Variants in DIDO1 observed in about 807,000 individuals in gnomAD.
DIDO1 encodes death inducer-obliterator 1.
Under a neutral mutation model 99.4 loss-of-function variants are expected in DIDO1, and 16 were observed. That is an observed-to-expected ratio of 0.16 (90% CI 0.11 to 0.24). The LOEUF (loss-of-function observed/expected upper bound fraction) is 0.24. Ranked by LOEUF, DIDO1 falls within the 10% of genes least tolerant of loss-of-function variation. The pLI is 1.00. For synonymous variants in DIDO1, 1,366 were observed against 1,239.1 expected, an observed-to-expected ratio of 1.10 and a Z score of -2.15; for missense variants, 2,996 against 3,014.0, an observed-to-expected ratio of 0.99 and a Z score of 0.14.
rs763798952 is a variant in DIDO1 at position 62,896,130 on chromosome 20, G to A, written c.2214+103C>T. On this transcript the variant is annotated intron_variant, in intron 8 of 15. Coordinates refer to ENST00000395343, the MANE Select transcript of DIDO1 (RefSeq NM_001193369.2). This position sits in a 1 kb window ranked among gnomAD's most constrained non-coding sequence, Gnocchi z 4.4. Reference sequence around the variant, plus strand: ...TCACAGAGGAGAAAGAAACGTCTTAGCTTTCCTGGAAAGGACACGAACATC... The same window carrying A: ...TCACAGAGGAGAAAGAAACGTCTTAACTTTCCTGGAAAGGACACGAACATC... 47 of 1,248,426 alleles carry A rather than the reference G, an allele frequency of 3.8e-5. No individual in the cohort carries two copies. Among genetic ancestry groups the A allele is most frequent in the Non-Finnish European group, 5.1e-5 (46 of 900,836 alleles). The allele number at this position is 1,248,426 out of a possible 1,614,324, so 77.3% of individuals were successfully genotyped here.
chr20:62,895,967 T>C (rs970099075), intron 8 of DIDO1, among the ~76,000 whole-genome samples: 2 of 152,194 alleles, frequency 1.3e-5, no homozygotes, highest in African/African-American at 4.8e-5. Flanking sequence ...ACAGCAATGT[T>C]TACAGGAGAC....
Position 62,894,613 on chromosome 20 carries a change from C to T in DIDO1, c.2437-65G>A. On this transcript the variant is annotated intron_variant, in intron 10 of 15. Coordinates refer to ENST00000395343, the MANE Select transcript of DIDO1 (RefSeq NM_001193369.2). The surrounding 1 kb of genome is among the most constrained non-coding windows in gnomAD (Gnocchi z 4.4). Reference sequence around the variant, plus strand: ...TCCAAACTCAGCTCCAAATTAACCACACACAAGAAAAGCAGTCTCATGGGA... The same window carrying T: ...TCCAAACTCAGCTCCAAATTAACCATACACAAGAAAAGCAGTCTCATGGGA... 10 of 1,573,064 alleles carry T rather than the reference C, an allele frequency of 6.4e-6. No homozygotes were observed. Among genetic ancestry groups the T allele is most frequent in the Non-Finnish European group, 8.6e-6 (10 of 1,164,294 alleles).
chr20:62,882,915 CTTTTTTTT>C (rs10583836), intron 15 of DIDO1, among the ~76,000 whole-genome samples: 1 of 81,382 alleles, frequency 1.2e-5, no homozygotes, highest in African/African-American at 5.4e-5. Flanking sequence ...AACAAACAGC[CTTTTTTTT>C]TTTTTTTTTT....
chr20:62,916,809 A>C (rs926312095), intron 1 of DIDO1, among the ~76,000 whole-genome samples: 1 of 152,156 alleles, frequency 6.6e-6, no homozygotes, highest in African/African-American at 2.4e-5. Flanking sequence ...TACTACACCA[A>C]CTCTCGCCAA....
In DIDO1 at chr20:62,907,370, A is replaced by G. The variant is rs2064831009; in HGVS notation, c.1162-11T>C. The G allele has an allele frequency of 1.2e-6, 2 of 1,611,840 alleles. No homozygotes were observed. Among genetic ancestry groups the G allele is most frequent in the Non-Finnish European group, 8.5e-7 (1 of 1,179,212 alleles). ...AGGCGCCTCTATCACCTGCAGAACA[A>G]AACAGATGACTTCAAACAATGTACT... On this transcript the variant is annotated splice_polypyrimidine_tract_variant and intron_variant, in intron 4 of 15. Transcript: ENST00000395343.
rs2064428120 is a variant in DIDO1 at position 62,892,812 on chromosome 20, A to G, written c.3252T>C (p.Ser1084=). 3.7e-6 allele frequency: 6 copies of G among 1,613,178 alleles called. No homozygotes were observed. Among genetic ancestry groups the G allele is most frequent in the Non-Finnish European group, 5.1e-6 (6 of 1,179,354 alleles). ...YPVSGCFDYL[S]EDLPDTIHIG... is the part of the protein sequence containing the mutation. ...CACACATTTTCTTGGTTCTAACCTC[A>G]CTGAGGTAATCAAAACACCCAGAGA... is the stretch of plus-strand genomic sequence containing the variant. Residue 1084 remains serine, a synonymous_variant, in exon 13 of 16, where the codon AGT becomes AGC. Coordinates refer to ENST00000395343, the MANE Select transcript of DIDO1 (RefSeq NM_001193369.2).
rs552135472 is a variant in DIDO1 at position 62,897,551 on chromosome 20, G to A, written c.1589-555C>T. On this transcript the variant is annotated intron_variant, in intron 6 of 15. Coordinates refer to ENST00000395343, the MANE Select transcript of DIDO1 (RefSeq NM_001193369.2). ...AAGCTGGCATACACCTGAACCACAG[G>A]AAGAGCAGCCACACCTTTACGTGAA... 9.2e-5 allele frequency among the ~76,000 whole-genome samples: 14 copies of A among 152,306 alleles called. 1 individual carries two copies. The South Asian group carries it at 2.9e-3, about 32-fold the overall frequency.
At position 62,880,157 on chromosome 20, in the gene DIDO1, C is replaced by A. The variant is rs1164928431; in HGVS notation, c.5799G>T (p.Gln1933His). The A allele has an allele frequency of 6.2e-7, 1 of 1,612,538 alleles. No individual in the cohort carries two copies. Among genetic ancestry groups the A allele is most frequent in the East Asian group, 2.2e-5 (1 of 44,860 alleles). ...FVGPRGPHPS[Q>H]FETARGPHPN... Reference sequence around the variant, plus strand: ...GATGAGGGCCCCGGGCAGTTTCAAACTGACTAGGATGGGGCCCTCTTGGGC... The same window carrying A: ...GATGAGGGCCCCGGGCAGTTTCAAAATGACTAGGATGGGGCCCTCTTGGGC... Residue 1933 changes from glutamine (Q) to histidine (H), a missense_variant, in exon 16 of 16, where the codon CAG becomes CAT. Physicochemically the swap from Gln to His is conservative, Grantham distance 24. This residue lies in a region of DIDO1 where 1,562 missense variants were observed against 1,412.6 expected (regional missense o/e 1.11). Transcript: ENST00000395343.
chr20:62,895,202 T>C, intron 8 of DIDO1, 37 bp from the exon 9 acceptor site: 3 of 1,548,418 alleles, frequency 1.9e-6, no homozygotes, highest in Non-Finnish European at 2.7e-6. Flanking sequence ...CAAATAATAT[T>C]CCTATATCTG....
intron 1 of DIDO1, among the ~76,000 whole-genome samples, chr20:62,935,315 C>T (rs952190434): frequency 3.3e-5 from 5 of 151,796 alleles, no homozygotes; most frequent in Non-Finnish European, 5.9e-5. Flanking sequence ...CTCATTTATT[C>T]CTTCGTCACT....
chr20:62,913,165 T>G (rs995818318), intron 2 of DIDO1, among the ~76,000 whole-genome samples: 17 of 152,220 alleles, frequency 1.1e-4, no homozygotes, highest in Non-Finnish European at 2.2e-4. Flanking sequence ...GGCCGTGGCC[T>G]CCACGCTCTG....
intron 1 of DIDO1, among the ~76,000 whole-genome samples, chr20:62,932,301 T>G (rs1396436519): frequency 2.0e-5 from 3 of 152,224 alleles, no homozygotes; most frequent in African/African-American, 7.2e-5. Context: ...AAGGCCAGCC[T>G]GGGAAACATA....
At chr20:62,891,955 A>G (rs1483552650) in intron 14 of DIDO1, 32 bp downstream of exon 14, 2 of 1,571,920 alleles carry the variant, frequency 1.3e-6, no homozygotes, top group Admixed American at 1.9e-5. Context: ...ACAATTTTCC[A>G]TGGTTGCAGA....
intron 6 of DIDO1, among the ~76,000 whole-genome samples, chr20:62,904,199 G>A (rs1306150964): frequency 7.5e-6 from 1 of 132,928 alleles, no homozygotes; most frequent in East Asian, 2.3e-4. Context: ...CTAAATTTTA[G>A]TACAGCATTA....
intron 1 of DIDO1, among the ~76,000 whole-genome samples, chr20:62,925,951 A>G (rs2065243995): frequency 6.6e-6 from 1 of 152,096 alleles, no homozygotes; most frequent in African/African-American, 2.4e-5. Context: ...AAGGCACGCC[A>G]GAAGCTAAGC....
At chr20:62,883,762 G>A (rs1801590808) in intron 15 of DIDO1, among the ~76,000 whole-genome samples, 1 of 152,128 alleles carries the variant, frequency 6.6e-6, no homozygotes, top group South Asian at 2.1e-4. Context: ...GGAGGTGGAG[G>A]TTGCAGTGAG....
At chr20:62,909,111 C>A (rs1029208985) in intron 4 of DIDO1, among the ~76,000 whole-genome samples, 2 of 152,240 alleles carry the variant, frequency 1.3e-5, no homozygotes, top group African/African-American at 4.8e-5. Context: ...CAGCAATTTC[C>A]AATACCTGCC....
In DIDO1 at chr20:62,896,600, G is replaced by A; in HGVS notation, c.1985C>T (p.Ala662Val). The A allele has an allele frequency of 6.2e-7, 1 of 1,611,230 alleles. No homozygotes were observed. The highest frequency in any genetic ancestry group is 8.5e-7 in the Non-Finnish European group (1 of 1,178,770). Reference sequence around the variant, plus strand: ...AATTTGTGAATTTGGCTGCGATGGTGCAGCACTCATAGCCCCAAGGCGTCC... The same window carrying A: ...AATTTGTGAATTTGGCTGCGATGGTACAGCACTCATAGCCCCAAGGCGTCC... ...APGRLGAMSA[A>V]PSQPNSQIRQ... Residue 662 changes from alanine to valine, a missense_variant, in exon 7 of 16, where the codon GCA (alanine) becomes GTA (valine). Physicochemically the swap from Ala to Val is moderately conservative, Grantham distance 64 (BLOSUM62 0). Around this residue, in one of 5 missense-constraint regions of DIDO1, gnomAD observed 898 missense variants for 972.7 expected, o/e 0.92. Coordinates refer to ENST00000395343, the MANE Select transcript of DIDO1 (RefSeq NM_001193369.2). The surrounding 1 kb of genome is among the most constrained non-coding windows in gnomAD (Gnocchi z 4.4).
intron 1 of DIDO1, among the ~76,000 whole-genome samples, chr20:62,914,951 G>A (rs1251216667): frequency 2.6e-5 from 4 of 152,134 alleles, no homozygotes; most frequent in East Asian, 1.9e-4. Context: ...AGTTCACCAC[G>A]TGTGTTTAAG....
Sources: allele counts gnomAD v4.1 joint callset (sites outside exome capture counted in the v4.1 genomes callset), GRCh38; gene constraint gnomAD v4.1.1; regional missense constraint gnomAD v4.1.1; non-coding constraint Gnocchi (gnomAD v3.1); transcripts MANE v1.5; gene names NCBI Gene and HGNC (gene_info 2026-07-23, HGNC 2026-07-21).